Variants in RBFOX1 observed in about 807,000 individuals in gnomAD.
RBFOX1 encodes the protein RNA binding protein fox-1 homolog 1.
A neutral mutation model predicts 57.7 loss-of-function variants in RBFOX1; 8 were observed. The observed-to-expected ratio is 0.14, with a 90% CI of 0.08 to 0.25. The LOEUF (loss-of-function observed/expected upper bound fraction) is 0.25, where lower values mean the gene tolerates loss of function less well. RBFOX1 is among the 10% of genes least tolerant of loss of function. The pLI, the probability that RBFOX1 is intolerant of heterozygous loss-of-function variation, is 1.00. For missense variants in RBFOX1, 611 were observed against 548.5 expected, an observed-to-expected ratio of 1.11 and a Z score of -1.14; for synonymous variants, 326 against 222.4, an observed-to-expected ratio of 1.47 and a Z score of -4.15.
intron 3 of RBFOX1, among the ~76,000 whole-genome samples, chr16:5,620,245 G>C (rs2048163598): frequency 6.6e-6 from 1 of 152,126 alleles, no homozygotes; most frequent in Non-Finnish European, 1.5e-5. Flanking sequence ...GGAGGGGAAA[G>C]CTGAGCTTAG....
intron 1 of RBFOX1, among the ~76,000 whole-genome samples, chr16:6,068,456 C>T (rs762489114): frequency 1.3e-5 from 2 of 152,032 alleles, no homozygotes; most frequent in Non-Finnish European, 2.9e-5. Flanking sequence ...GGCCTTGAAG[C>T]ATGACAAAAT....
At chr16:7,346,151 A>G (rs2096999051) in intron 4 of RBFOX1, among the ~76,000 whole-genome samples, 1 of 152,184 alleles carries the variant, frequency 6.6e-6, no homozygotes, top group Admixed American at 6.5e-5. Flanking sequence ...TACAAAGGAC[A>G]TGAACTCATC....
At chr16:6,660,184 A>T (rs1036931502) in intron 3 of RBFOX1, among the ~76,000 whole-genome samples, 11 of 151,102 alleles carry the variant, frequency 7.3e-5, no homozygotes, top group Admixed American at 4.6e-4. Flanking sequence ...AGATCTCGCC[A>T]TTGCCCTTCA....
intron 2 of RBFOX1, among the ~76,000 whole-genome samples, chr16:5,583,071 A>T (rs548836177): frequency 3.3e-5 from 5 of 152,370 alleles, no homozygotes; most frequent in Non-Finnish European, 7.3e-5. Context: ...TCACACAGCT[A>T]GGGAGAGGTT....
At chr16:7,116,952 G>T (rs2066038303) in intron 4 of RBFOX1, among the ~76,000 whole-genome samples, 1 of 152,184 alleles carries the variant, frequency 6.6e-6, no homozygotes, top group Non-Finnish European at 1.5e-5. Context: ...ACCTTGAGAA[G>T]AATCAGGTAG....
intron 2 of RBFOX1, among the ~76,000 whole-genome samples, chr16:6,648,030 C>A (rs2098547961): frequency 6.6e-6 from 1 of 151,936 alleles, no homozygotes; most frequent in Non-Finnish European, 1.5e-5. Flanking sequence ...TTAGTAGAGA[C>A]AGGGGTTTCA....
chr16:6,093,788 A>ATT (rs1173141515), intron 1 of RBFOX1, among the ~76,000 whole-genome samples: 12 of 143,526 alleles, frequency 8.4e-5, no homozygotes, highest in Admixed American at 6.3e-4. Flanking sequence ...TGCCCCACTC[A>ATT]TTTTTTTTTT....
chr16:5,428,904 T>G (rs539353446), intron 1 of RBFOX1, among the ~76,000 whole-genome samples: 14 of 152,314 alleles, frequency 9.2e-5, no homozygotes, highest in African/African-American at 3.1e-4. Context: ...TTCAAATATT[T>G]ACTCAGTAAG....
At chr16:6,831,851 C>T (rs750241033) in intron 3 of RBFOX1, among the ~76,000 whole-genome samples, 2 of 152,188 alleles carry the variant, frequency 1.3e-5, no homozygotes, top group South Asian at 4.2e-4. Context: ...GCTGTGAATG[C>T]TAGGGAGCAT....
At chr16:6,470,631 C>T (rs902127997) in intron 2 of RBFOX1, among the ~76,000 whole-genome samples, 3 of 152,142 alleles carry the variant, frequency 2.0e-5, no homozygotes, top group Non-Finnish European at 4.4e-5. Flanking sequence ...CTTCCATAGC[C>T]CCTACCCAAC....
intron 2 of RBFOX1, among the ~76,000 whole-genome samples, chr16:6,320,780 A>G (rs1044290774): frequency 1.3e-5 from 2 of 152,080 alleles, no homozygotes; most frequent in Admixed American, 6.6e-5. Flanking sequence ...TATTAAAAAA[A>G]AATTTGTTAC....
chr16:7,659,679 T>C (rs973018943), intron 12 of RBFOX1, among the ~76,000 whole-genome samples: 3 of 152,248 alleles, frequency 2.0e-5, no homozygotes, highest in Non-Finnish European at 4.4e-5. Flanking sequence ...CTGGGCCACA[T>C]GCAGCATATG....
At chr16:6,775,245 G>T (rs375089404) in intron 3 of RBFOX1, among the ~76,000 whole-genome samples, 2 of 149,954 alleles carry the variant, frequency 1.3e-5, no homozygotes, top group South Asian at 4.2e-4. Flanking sequence ...CAGGAGAAAG[G>T]CGTGAAACCG....
At chr16:7,381,312 G>A (rs1466196635) in intron 4 of RBFOX1, among the ~76,000 whole-genome samples, 1 of 152,074 alleles carries the variant, frequency 6.6e-6, no homozygotes, top group Admixed American at 6.5e-5. Flanking sequence ...GCCTTATTGT[G>A]CAAGTAATGC....
At chr16:7,587,502 A>G (rs1476309813) in intron 7 of RBFOX1, among the ~76,000 whole-genome samples, 1 of 152,216 alleles carries the variant, frequency 6.6e-6, no homozygotes, top group Non-Finnish European at 1.5e-5. Context: ...ATAATTTTAA[A>G]TTGCTGTTTT....
At chr16:6,511,172 C>G (rs1018202979) in intron 2 of RBFOX1, among the ~76,000 whole-genome samples, 3 of 152,098 alleles carry the variant, frequency 2.0e-5, no homozygotes, top group Admixed American at 2.0e-4. Flanking sequence ...GGAAAAGCCT[C>G]TGGAAAATCC....
At chr16:7,274,121 A>G (rs2095394573) in intron 4 of RBFOX1, among the ~76,000 whole-genome samples, 1 of 152,178 alleles carries the variant, frequency 6.6e-6, no homozygotes, top group Non-Finnish European at 1.5e-5. Flanking sequence ...CAATTGAGAT[A>G]TTTGTTTATG....
chr16:5,744,944 T>C (rs1375771163), intron 3 of RBFOX1, among the ~76,000 whole-genome samples: 1 of 152,034 alleles, frequency 6.6e-6, no homozygotes, highest in Non-Finnish European at 1.5e-5. Context: ...GGCTAATTTT[T>C]GTATTTTTTT....
chr16:5,683,355 G>T (rs1345260515), intron 3 of RBFOX1, among the ~76,000 whole-genome samples: 1 of 152,028 alleles, frequency 6.6e-6, no homozygotes, highest in African/African-American at 2.4e-5. Context: ...ATTGGCTGTT[G>T]TGATGGTCAA....
Sources: allele counts gnomAD v4.1 joint callset (sites outside exome capture counted in the v4.1 genomes callset), GRCh38; gene constraint gnomAD v4.1.1; transcripts MANE v1.5; gene names NCBI Gene and HGNC (gene_info 2026-07-23, HGNC 2026-07-21).